Variants in WDR33 observed in about 807,000 individuals in gnomAD.
The protein encoded by WDR33 is pre-mRNA 3' end processing protein WDR33.
Under a neutral mutation model 164.9 loss-of-function variants are expected in WDR33, and 47 were observed. The ratio of observed to expected loss-of-function variants is 0.29; its 90% CI spans 0.23 to 0.36. The LOEUF is 0.36. Among genes scored for constraint, WDR33 ranks in the 10% least tolerant of loss-of-function variants. WDR33 has a pLI of 1.00. For synonymous variants in WDR33, 505 were observed against 589.0 expected (o/e 0.86, Z 2.06); for missense variants, 1,137 against 1,754.1 (o/e 0.65, Z 6.28).
chr2:127,804,184 G>A (rs571563648), intron 1 of WDR33, among the ~76,000 whole-genome samples: 120 of 152,146 alleles, frequency 7.9e-4, no homozygotes, highest in African/African-American at 2.7e-3. Context: ...AGCCAGGCAT[G>A]GTGGCGGGCG....
intron 7 of WDR33, among the ~76,000 whole-genome samples, chr2:127,760,984 A>C (rs1558941553): frequency 6.6e-6 from 1 of 152,188 alleles, no homozygotes; most frequent in East Asian, 1.9e-4. Context: ...GAAAATACTT[A>C]ACTGCTAGTT....
At chr2:127,788,219 G>A (rs1394410980) in intron 1 of WDR33, among the ~76,000 whole-genome samples, 7 of 115,620 alleles carry the variant, frequency 6.1e-5, no homozygotes, top group East Asian at 5.6e-4. Flanking sequence ...CCTCCCTCCC[G>A]GACAGGGCGG....
In WDR33 at chr2:127,717,132, T is replaced by C. The variant is rs532631560; in HGVS notation, c.2869+23A>G. On this transcript the variant is annotated intron_variant, in intron 17 of 21. Coordinates refer to ENST00000322313, the MANE Select transcript of WDR33 (RefSeq NM_018383.5). The surrounding 1 kb of genome is among the most constrained non-coding windows in gnomAD (Gnocchi z 5.6). Reference sequence around the variant, plus strand: ...ACAAAGGTGGTAGAATATAATCTTTTATTCAGCTGAGCAGATATTTACCTT... The same window carrying C: ...ACAAAGGTGGTAGAATATAATCTTTCATTCAGCTGAGCAGATATTTACCTT... 8.7e-5 allele frequency: 136 copies of C among 1,570,218 alleles called. 1 individual carries two copies. The East Asian group carries it at 1.2e-3, about 14-fold the overall frequency.
chr2:127,747,294 C>G (rs1304673932), intron 7 of WDR33, among the ~76,000 whole-genome samples: 1 of 152,068 alleles, frequency 6.6e-6, no homozygotes, highest in East Asian at 1.9e-4. Flanking sequence ...ATACAAACAA[C>G]AGTTTAACAT....
At chr2:127,785,890 C>T (rs1056928020) in intron 1 of WDR33, among the ~76,000 whole-genome samples, 1 of 152,292 alleles carries the variant, frequency 6.6e-6, no homozygotes, top group Admixed American at 6.5e-5. Context: ...TAAGAAACTG[C>T]CTAACTATAT....
intron 7 of WDR33, among the ~76,000 whole-genome samples, chr2:127,754,438 AC>A (rs1687460995): frequency 6.6e-6 from 1 of 152,138 alleles, no homozygotes; most frequent in African/African-American, 2.4e-5. Flanking sequence ...TGGGGGAAAA[AC>A]ACAGGGTCTC....
At chr2:127,760,107 A>G (rs1367261151) in intron 7 of WDR33, among the ~76,000 whole-genome samples, 2 of 152,316 alleles carry the variant, frequency 1.3e-5, no homozygotes, top group Admixed American at 6.5e-5. Flanking sequence ...ATTTCCTGAA[A>G]ATTAGAGCTA....
At chr2:127,805,802 C>T (rs545459379) in intron 1 of WDR33, among the ~76,000 whole-genome samples, 1 of 152,254 alleles carries the variant, frequency 6.6e-6, no homozygotes, top group South Asian at 2.1e-4. Flanking sequence ...TAAGCTGTGC[C>T]CTGTGCCTGA....
chr2:127,763,719 C>A lies in WDR33; in HGVS notation c.627-560G>T. On this transcript the variant is annotated intron_variant, in intron 6 of 21. Transcript: ENST00000322313. The surrounding 1 kb of genome is among the most constrained non-coding windows in gnomAD (Gnocchi z 4.5). ...CTGGCAAGCTATTCCATGAATGTTG[C>A]ACCTTTGAGGAAAACTTTAAAATAA... 1.0e-6 allele frequency: 1 copy of A among 985,594 alleles called. No homozygotes were observed. Among genetic ancestry groups the A allele is most frequent in the Non-Finnish European group, 1.2e-6 (1 of 830,064 alleles). 61.1% of individuals were successfully genotyped at this position (985,594 alleles called of 1,614,324 possible).
intron 7 of WDR33, among the ~76,000 whole-genome samples, chr2:127,756,259 G>A (rs572958081): frequency 6.0e-4 from 90 of 151,032 alleles, no homozygotes; most frequent in African/African-American, 1.9e-3. Flanking sequence ...GCTTGAACCC[G>A]GGAGGCAGAG....
rs1419760091 is a variant in WDR33 at position 127,711,772 on chromosome 2, A to ATT, written c.3308+1810_3308+1811insAA. Among the ~76,000 whole-genome samples, 124 of 87,704 alleles carry ATT rather than the reference A, an allele frequency of 1.4e-3. 5 individuals are homozygous for ATT. The highest frequency in any genetic ancestry group is 1.7e-3 in the East Asian group (6 of 3,506). The allele number at this position is 87,704 out of a possible 152,430, so 57.5% of individuals were successfully genotyped here. A position where few individuals can be genotyped will look rare whatever the true frequency, so the allele number is the denominator to read the frequency against. Reference sequence around the variant, plus strand: ...TACAGATATATATATATATATATATATATATATATTTTTTTTTTGAGACAG... The same window carrying ATT: ...TACAGATATATATATATATATATATATTTATATATATTTTTTTTTTGAGACAG... On this transcript the variant is annotated intron_variant, in intron 18 of 21. Coordinates refer to ENST00000322313, the MANE Select transcript of WDR33 (RefSeq NM_018383.5).
intron 7 of WDR33, among the ~76,000 whole-genome samples, chr2:127,753,509 C>A (rs1272577638): frequency 2.0e-5 from 3 of 152,182 alleles, no homozygotes; most frequent in African/African-American, 7.2e-5. Context: ...AGTTCAACAC[C>A]TCACTTCACA....
At chr2:127,711,780 A>ATATATATTTTTT in intron 18 of WDR33, among the ~76,000 whole-genome samples, 2 of 88,320 alleles carry the variant, frequency 2.3e-5, no homozygotes, top group African/African-American at 1.3e-4. Flanking sequence ...ATATATATAT[A>ATATATATTTTTT]TTTTTTTTTT....
In WDR33 at chr2:127,701,438, G is replaced by C; in HGVS notation, c.*4885C>G. ...CGCAGGCCCTGCCCCTTTCGCCGTC[G>C]CCGACCAATTGCCGCCCGAAGACCG... is the stretch of plus-strand genomic sequence containing the variant. On this transcript the variant is annotated 3_prime_UTR_variant, in exon 22 of 22. Transcript: ENST00000322313. 8.4e-7 allele frequency: 1 copy of C among 1,193,436 alleles called. No individual in the cohort carries two copies. The highest frequency in any genetic ancestry group is 1.1e-6 in the Non-Finnish European group (1 of 952,190). 73.9% of individuals were successfully genotyped at this position (1,193,436 alleles called of 1,614,324 possible). A position where few individuals can be genotyped will look rare whatever the true frequency, so the allele number is the denominator to read the frequency against.
intron 7 of WDR33, among the ~76,000 whole-genome samples, chr2:127,733,717 C>A (rs956862219): frequency 4.7e-4 from 71 of 151,874 alleles, no homozygotes; most frequent in Non-Finnish European, 7.7e-4. Flanking sequence ...AAACAAAAAA[C>A]AAAAAACAAA....
chr2:127,718,657 A>G lies in WDR33; in HGVS notation c.2760+608T>C, dbSNP rs1187553527. Among the ~76,000 whole-genome samples, 1 of 152,218 alleles carries G rather than the reference A, an allele frequency of 6.6e-6. No homozygotes were observed. Among genetic ancestry groups the G allele is most frequent in the East Asian group, 1.9e-4 (1 of 5,204 alleles). On this transcript the variant is annotated intron_variant, in intron 16 of 21. Transcript: ENST00000322313. The surrounding 1 kb of genome is among the most constrained non-coding windows in gnomAD (Gnocchi z 4.4). ...TACTTTTATATGTGAGCTGAAAACAACTTGAGCAGAGTTTCATCCAAAGGG... is the reference window on the plus strand; with the variant it reads ...TACTTTTATATGTGAGCTGAAAACAGCTTGAGCAGAGTTTCATCCAAAGGG...
Position 127,716,091 on chromosome 2 carries a change from C to T in WDR33, c.2869+1064G>A, listed in dbSNP as rs77788542. ...AGACTCTCCTTTTGTTTCTCTAGTT[C>T]GCTGTGGGCCACGTTCCTTCTGTAT... On this transcript the variant is annotated intron_variant, in intron 17 of 21. Coordinates refer to ENST00000322313, the MANE Select transcript of WDR33 (RefSeq NM_018383.5). The surrounding 1 kb of genome is among the most constrained non-coding windows in gnomAD (Gnocchi z 4.5). 9.4e-3 allele frequency among the ~76,000 whole-genome samples: 1,437 copies of T among 152,216 alleles called. 11 individuals are homozygous for T. The highest frequency in any genetic ancestry group is 0.019 in the South Asian group (90 of 4,824).
rs745512747 is a variant in WDR33, at chr2:127,718,773, T to C, written c.2760+492A>G. ...AGAGTGAGGTACAGAGTCTATAGTA[T>C]ACTCATGAGTTAAATATCCCATCCT... is the stretch of plus-strand genomic sequence containing the variant. On this transcript the variant is annotated intron_variant, in intron 16 of 21. Transcript: ENST00000322313. The surrounding 1 kb of genome is among the most constrained non-coding windows in gnomAD (Gnocchi z 4.4). Among the ~76,000 whole-genome samples the C allele has an allele frequency of 6.6e-6, 1 of 152,228 alleles. No homozygotes were observed. Among genetic ancestry groups the C allele is most frequent in the Non-Finnish European group, 1.5e-5 (1 of 68,038 alleles).
intron 1 of WDR33, among the ~76,000 whole-genome samples, chr2:127,800,410 G>A (rs1026277539): frequency 3.3e-5 from 5 of 152,066 alleles, no homozygotes; most frequent in African/African-American, 1.2e-4. Context: ...CGCGGCAGGC[G>A]GATCATGAGG....
Sources: allele counts gnomAD v4.1 joint callset (sites outside exome capture counted in the v4.1 genomes callset), GRCh38; gene constraint gnomAD v4.1.1; non-coding constraint Gnocchi (gnomAD v3.1); transcripts MANE v1.5; gene names NCBI Gene and HGNC (gene_info 2026-07-23, HGNC 2026-07-21).